The following GNA14 variants were observed in gnomAD, a reference collection of about 807,000 sequenced individuals.
GNA14 encodes G protein subunit alpha 14, also known as guanine nucleotide-binding protein subunit alpha-14.
Under a neutral mutation model 42.0 loss-of-function variants are expected in GNA14, and 50 were observed. The observed-to-expected ratio is 1.19, with a 90% CI of 0.95 to 1.51. The LOEUF (loss-of-function observed/expected upper bound fraction) is 1.51, where lower values mean the gene tolerates loss of function less well. GNA14 is among the 40% of genes most tolerant of loss of function. The probability of loss-of-function intolerance (pLI) is 0.00; values close to 1 mark genes in which losing one functional copy is unlikely to be tolerated. For missense variants in GNA14, 473 were observed against 446.2 expected (o/e 1.06, Z -0.54); for synonymous variants, 173 against 163.1 (o/e 1.06, Z -0.46).
At chr9:77,568,744 AG>A (rs1823011957) in intron 1 of GNA14, among the ~76,000 whole-genome samples, 1 of 152,062 alleles carries the variant, frequency 6.6e-6, no homozygotes. Context: ...CGGAATTTAC[AG>A]GGGGGCACTC....
chr9:77,476,396 G>A (rs999788424), intron 2 of GNA14, among the ~76,000 whole-genome samples: 1 of 152,184 alleles, frequency 6.6e-6, no homozygotes, highest in African/African-American at 2.4e-5. Flanking sequence ...AGGCCACAGA[G>A]CACAGCAGAG....
At chr9:77,474,403 A>ATGCT (rs774915169) in intron 2 of GNA14, among the ~76,000 whole-genome samples, 93,977 of 152,010 alleles carry the variant, frequency 0.62, 30,661 homozygotes, top group African/African-American at 0.83. Flanking sequence ...GTTATCCATG[A>ATGCT]CAAGCCTCAT....
chr9:77,519,808 G>A (rs551598563), intron 2 of GNA14, among the ~76,000 whole-genome samples: 11 of 151,918 alleles, frequency 7.2e-5, no homozygotes, highest in Non-Finnish European at 1.0e-4. Flanking sequence ...TCAGGAGTTC[G>A]AGACCAGCCT....
intron 2 of GNA14, among the ~76,000 whole-genome samples, chr9:77,509,641 T>C (rs1471559669): frequency 6.6e-6 from 1 of 152,230 alleles, no homozygotes; most frequent in Non-Finnish European, 1.5e-5. Context: ...GGATCACCAG[T>C]GGATGCTAAT....
intron 1 of GNA14, among the ~76,000 whole-genome samples, chr9:77,573,794 C>T (rs1265442776): frequency 6.6e-6 from 1 of 152,164 alleles, no homozygotes; most frequent in African/African-American, 2.4e-5. Context: ...GTCTGCTTCT[C>T]TGTGGTTATT....
chr9:77,478,673 A>G (rs1311060637), intron 2 of GNA14, among the ~76,000 whole-genome samples: 2 of 152,150 alleles, frequency 1.3e-5, no homozygotes, highest in Non-Finnish European at 1.5e-5. Context: ...ATTTCTCCAC[A>G]TCCTCTCCAG....
At chr9:77,503,930 C>G (rs1837017511) in intron 2 of GNA14, among the ~76,000 whole-genome samples, 1 of 152,136 alleles carries the variant, frequency 6.6e-6, no homozygotes, top group African/African-American at 2.4e-5. Context: ...GATCCACCTG[C>G]CTCAGCCTCC....
At chr9:77,525,883 T>C (rs1204505162) in intron 2 of GNA14, among the ~76,000 whole-genome samples, 1 of 145,128 alleles carries the variant, frequency 6.9e-6, no homozygotes, top group East Asian at 2.1e-4. Flanking sequence ...ATACCTAATT[T>C]AGACAATGAG....
chr9:77,488,058 T>C (rs1452681149), intron 2 of GNA14, among the ~76,000 whole-genome samples: 2 of 151,898 alleles, frequency 1.3e-5, no homozygotes, highest in Admixed American at 1.3e-4. Context: ...CTTAAAGCAA[T>C]GTACAGGCCA....
chr9:77,469,631 A>C (rs921401176), intron 2 of GNA14, among the ~76,000 whole-genome samples: 1 of 152,224 alleles, frequency 6.6e-6, no homozygotes, highest in Non-Finnish European at 1.5e-5. Flanking sequence ...AGGAGTATCA[A>C]AAAATCGCCC....
intron 2 of GNA14, among the ~76,000 whole-genome samples, chr9:77,509,873 A>T (rs1837131790): frequency 6.6e-6 from 1 of 152,202 alleles, no homozygotes; most frequent in South Asian, 2.1e-4. Context: ...CGTCAACAAC[A>T]GTGGGGCAAA....
chr9:77,493,401 T>C (rs557084026), intron 2 of GNA14, among the ~76,000 whole-genome samples: 2 of 152,340 alleles, frequency 1.3e-5, no homozygotes, highest in East Asian at 3.9e-4. Flanking sequence ...GGTGCCTATT[T>C]TGTCTGTACT....
intron 1 of GNA14, among the ~76,000 whole-genome samples, chr9:77,646,233 C>T (rs74808533): frequency 0.031 from 4,707 of 152,324 alleles, 145 homozygotes; most frequent in African/African-American, 0.082. Context: ...CACTTTTACG[C>T]CCCAGCAAAC....
intron 1 of GNA14, among the ~76,000 whole-genome samples, chr9:77,593,767 C>T (rs895645431): frequency 5.3e-5 from 8 of 152,228 alleles, no homozygotes; most frequent in Admixed American, 1.3e-4. Flanking sequence ...GTCTTTCCAA[C>T]ACATTCTCCT....
intron 2 of GNA14, among the ~76,000 whole-genome samples, chr9:77,519,958 G>T (rs527659028): frequency 4.7e-4 from 71 of 152,234 alleles, no homozygotes; most frequent in African/African-American, 1.6e-3. Flanking sequence ...CTAGTGAGCT[G>T]AGATGGCGCC....
chr9:77,555,567 A>G (rs910322835), intron 1 of GNA14, among the ~76,000 whole-genome samples: 1 of 152,232 alleles, frequency 6.6e-6, no homozygotes, highest in African/African-American at 2.4e-5. Flanking sequence ...AAAAGCATAT[A>G]TGGTAAGATT....
At chr9:77,579,766 T>C (rs1626834) in intron 1 of GNA14, among the ~76,000 whole-genome samples, 118,022 of 152,130 alleles carry the variant, frequency 0.78, 46,304 homozygotes, top group East Asian at 0.93. Context: ...CAAGTCCTAA[T>C]TTGTTCAATT....
At chr9:77,643,929 GT>G (rs1824309795) in intron 1 of GNA14, among the ~76,000 whole-genome samples, 1 of 152,102 alleles carries the variant, frequency 6.6e-6, no homozygotes, top group Non-Finnish European at 1.5e-5. Flanking sequence ...AGAGAATTTA[GT>G]CCACAGCTAA....
chr9:77,485,611 TA>T (rs1359310331), intron 2 of GNA14, among the ~76,000 whole-genome samples: 2 of 152,172 alleles, frequency 1.3e-5, no homozygotes, highest in East Asian at 3.8e-4. Context: ...GCTATAGCCT[TA>T]AAAAATGCAT....
Sources: allele counts gnomAD v4.1 joint callset (sites outside exome capture counted in the v4.1 genomes callset), GRCh38; gene constraint gnomAD v4.1.1; transcripts MANE v1.5; gene names NCBI Gene and HGNC (gene_info 2026-07-23, HGNC 2026-07-21).